The following GRAMD1A variants were observed in gnomAD, a reference collection of about 807,000 sequenced individuals.
GRAMD1A encodes the protein GRAM domain containing 1A, also known as protein Aster-A.
Under a neutral mutation model 92.0 loss-of-function variants are expected in GRAMD1A, and 50 were observed. The ratio of observed to expected loss-of-function variants is 0.54; its 90% confidence interval spans 0.43 to 0.69. GRAMD1A has a LOEUF of 0.69. GRAMD1A is among the 30% of genes least tolerant of loss of function. GRAMD1A has a pLI of 0.00. For missense variants in GRAMD1A, 819 were observed against 978.9 expected (o/e 0.84, Z 2.18); for synonymous variants, 405 against 403.6 (o/e 1.00, Z -0.04).
In GRAMD1A at chr19:35,000,443, G is replaced by GCCCTA. The variant is rs1235939902; in HGVS notation, c.-32_-31insACCCT. ...GCCCAGCCCTGCCCTGCCCTGCCCT[G>GCCCTA]CCCTGCGCCCGGGGCGCGCCCACCG... On this transcript the variant is annotated 5_prime_UTR_variant, in exon 1 of 20. Transcript: ENST00000317991. The surrounding 1 kb of genome is among the most constrained non-coding windows in gnomAD (Gnocchi z 4.9). The GCCCTA allele has an allele frequency of 8.0e-7, 1 of 1,247,800 alleles. No individual in the cohort carries two copies. The highest frequency in any genetic ancestry group is 3.0e-5 in the South Asian group (1 of 33,626). 77.3% of individuals were successfully genotyped at this position (1,247,800 alleles called of 1,614,324 possible).
chr19:35,010,424 C>T (rs2015146286), intron 6 of GRAMD1A, 45 bp downstream of exon 6: 2 of 1,259,868 alleles, frequency 1.6e-6, no homozygotes, highest in Non-Finnish European at 2.3e-6. Context: ...CCCCGCTCAG[C>T]AGGCCGCCTC....
rs1163816697 is a variant in GRAMD1A at position 35,021,399 on chromosome 19, G to A, written c.1476-103G>A. On this transcript the variant is annotated intron_variant, in intron 13 of 19. Transcript: ENST00000317991. The surrounding 1 kb of genome is among the most constrained non-coding windows in gnomAD (Gnocchi z 5.3). Reference sequence around the variant, plus strand: ...TCTGTTTTGTCTGTGAGTGACAAGGGGCCCTCTCTGAATTAGGGGAAGGAA... The same window carrying A: ...TCTGTTTTGTCTGTGAGTGACAAGGAGCCCTCTCTGAATTAGGGGAAGGAA... 2 of 818,444 alleles carry A rather than the reference G, an allele frequency of 2.4e-6. No individual in the cohort carries two copies. The highest frequency in any genetic ancestry group is 1.7e-5 in the African/African-American group (1 of 59,678). The allele number at this position is 818,444 out of a possible 1,614,324, so 50.7% of individuals were successfully genotyped here.
rs766349578 is a variant in GRAMD1A, at chr19:35,021,622, G to A, written c.1579+17G>A. Reference sequence around the variant, plus strand: ...ACCATCTGGGTAGGGACAGAAGGCCGGCTGGGGCGTGGGTTGGGGGATGGC... The same window carrying A: ...ACCATCTGGGTAGGGACAGAAGGCCAGCTGGGGCGTGGGTTGGGGGATGGC... On this transcript the variant is annotated intron_variant, in intron 14 of 19. Coordinates refer to ENST00000317991, the MANE Select transcript of GRAMD1A (RefSeq NM_020895.5). This position sits in a 1 kb window ranked among gnomAD's most constrained non-coding sequence, Gnocchi z 5.3. 6 of 1,613,258 alleles carry A rather than the reference G, an allele frequency of 3.7e-6. No homozygotes were observed. The Admixed American group carries it at 5.0e-5, about 13-fold the overall frequency.
intron 1 of GRAMD1A, among the ~76,000 whole-genome samples, chr19:35,008,349 A>G (rs1258532544): frequency 6.7e-6 from 1 of 149,838 alleles, no homozygotes; most frequent in African/African-American, 2.5e-5. Context: ...ATAAAATAAA[A>G]CAGCAGGTGT....
chr19:35,006,711 A>T (rs975288256), intron 1 of GRAMD1A, among the ~76,000 whole-genome samples: 2 of 152,144 alleles, frequency 1.3e-5, no homozygotes, highest in Non-Finnish European at 2.9e-5. Flanking sequence ...TCTGGTGGTT[A>T]TTGAGCATTC....
upstream of GRAMD1A, chr19:34,996,134 A>T: frequency 1.3e-6 from 2 of 1,536,090 alleles, no homozygotes; most frequent in South Asian, 2.4e-5. Context: ...ACAGGGTGAC[A>T]GGGCCCAGGG....
In GRAMD1A at chr19:35,009,270, G is replaced by A. The variant is rs2015045433; in HGVS notation, c.160G>A (p.Val54Met). Residue 54 changes from valine (V) to methionine (M), a missense_variant, in exon 2 of 20, where the codon GTG becomes ATG. This residue lies in a region of GRAMD1A where 98 missense variants were observed against 84.0 expected (regional missense o/e 1.17). Coordinates refer to ENST00000317991, the MANE Select transcript of GRAMD1A (RefSeq NM_020895.5). ...AGATAGCTCCTCAGAGAAGGGTGGG[G>A]TGCCTGGGACCCCCAGCACCCAGAG... is the stretch of plus-strand genomic sequence containing the variant. ...GSDSSSEKGG[V>M]PGTPSTQSLG... 2 of 1,614,128 alleles carry A rather than the reference G, an allele frequency of 1.2e-6. No individual in the cohort carries two copies. Among genetic ancestry groups the A allele is most frequent in the Non-Finnish European group, 1.7e-6 (2 of 1,180,000 alleles).
chr19:34,995,103 G>T (rs995336262), intron 1 of GRAMD1A, among the ~76,000 whole-genome samples: 3 of 152,100 alleles, frequency 2.0e-5, no homozygotes, highest in African/African-American at 7.2e-5. Flanking sequence ...ACCTCCCTTT[G>T]TTTGTCTTGG....
At chr19:35,020,658 CAAAAAA>C (rs56181450) in intron 13 of GRAMD1A, among the ~76,000 whole-genome samples, 12,602 of 112,260 alleles carry the variant, frequency 0.11, 989 homozygotes, top group African/African-American at 0.25. Context: ...GACCCTGTCT[CAAAAAA>C]AAAAAAAAAA....
chr19:35,009,594 G>C (rs1030445756), intron 3 of GRAMD1A, 151 bp downstream of exon 3: 15 of 816,946 alleles, frequency 1.8e-5, no homozygotes, highest in Admixed American at 7.7e-5. Context: ...TGTGCTGTGT[G>C]ACCTTGGGTG....
upstream of GRAMD1A, among the ~76,000 whole-genome samples, chr19:34,995,554 T>G (rs1446878411): frequency 7.0e-6 from 1 of 142,372 alleles, no homozygotes; most frequent in African/African-American, 2.6e-5. Context: ...CAGATCTCTC[T>G]GACTCTCAGA....
At chr19:35,010,430 G>C (rs192598874) in intron 6 of GRAMD1A, 51 bp downstream of exon 6, 1 of 1,208,630 alleles carries the variant, frequency 8.3e-7, no homozygotes, top group Non-Finnish European at 1.2e-6. Context: ...TCAGCAGGCC[G>C]CCTCCCCCAA....
At chr19:35,019,847 G>A (rs1451397014) in intron 13 of GRAMD1A, among the ~76,000 whole-genome samples, 1 of 152,210 alleles carries the variant, frequency 6.6e-6, no homozygotes, top group African/African-American at 2.4e-5. Flanking sequence ...AAAATCTGCA[G>A]AACATTCACT....
chr19:34,998,298 C>CTTTTTTTTTTTTTTTTTTTTTTTTTT (rs67881737), upstream of GRAMD1A: 2 of 76,932 alleles, frequency 2.6e-5, no homozygotes, highest in Non-Finnish European at 5.0e-5. Flanking sequence ...TATTTTCTTC[C>CTTTTTTTTTTTTTTTTTTTTTTTTTT]TTTTTTTTTT....
chr19:35,020,146 CT>C (rs2015944061), intron 13 of GRAMD1A, among the ~76,000 whole-genome samples: 1 of 152,094 alleles, frequency 6.6e-6, no homozygotes, highest in Admixed American at 6.5e-5. Context: ...AATCCCAGCA[CT>C]TTGGGAGGCT....
At chr19:34,996,131 G>A (rs2014026034), upstream of GRAMD1A, 1 of 1,536,106 alleles carries the variant, frequency 6.5e-7, no homozygotes, top group Non-Finnish European at 8.7e-7. Context: ...GCCACAGGGT[G>A]ACAGGGCCCA....
upstream of GRAMD1A, chr19:34,999,348 GGA>G (rs1171041159): frequency 6.5e-6 from 1 of 153,302 alleles, no homozygotes; most frequent in Non-Finnish European, 1.5e-5. Flanking sequence ...AAGGGTTGAT[GGA>G]GAGGGTTGGG....
intron 9 of GRAMD1A, 134 bp from the exon 10 acceptor site, chr19:35,014,055 C>T: frequency 3.6e-6 from 3 of 832,278 alleles, no homozygotes; most frequent in Non-Finnish European, 5.9e-6. Flanking sequence ...CTGCTCGCAG[C>T]TCAGCCGTGA....
chr19:34,999,037 G>A (rs956736793), upstream of GRAMD1A, among the ~76,000 whole-genome samples: 2 of 152,114 alleles, frequency 1.3e-5, no homozygotes, highest in African/African-American at 4.8e-5. Flanking sequence ...TGAGCCAGGA[G>A]GGTAGTTAAC....
Sources: gnomAD v4.1 joint callset for allele counts (sites outside exome capture counted in the v4.1 genomes callset) on GRCh38, gnomAD v4.1.1 for gene constraint, gnomAD v4.1.1 regional missense constraint, Gnocchi (gnomAD v3.1) non-coding constraint, MANE v1.5 for transcripts, NCBI Gene and HGNC (gene_info 2026-07-23, HGNC 2026-07-21) for gene names.